DLGAP2: variants seen among roughly 807,000 people sequenced by gnomAD.
DLGAP2 encodes the protein DLG associated protein 2.
DLGAP2 carries 26 observed loss-of-function variants against 100.3 expected under a neutral mutation model. That is an observed-to-expected ratio of 0.26 (90% CI 0.19 to 0.36). The LOEUF is 0.36. Ranked by LOEUF, DLGAP2 falls within the 10% of genes least tolerant of loss-of-function variation. The probability of loss-of-function intolerance (pLI) is 1.00; values close to 1 mark genes in which losing one functional copy is unlikely to be tolerated. For missense variants in DLGAP2, 1,858 were observed against 1,453.2 expected (o/e 1.28, Z -4.53); for synonymous variants, 886 against 630.1 (o/e 1.41, Z -6.08).
At chr8:1,103,070 G>C (rs1212708029) in intron 2 of DLGAP2, among the ~76,000 whole-genome samples, 1 of 151,912 alleles carries the variant, frequency 6.6e-6, no homozygotes, top group South Asian at 2.1e-4. Context: ...GTTTTCCGGG[G>C]TCTTCGTAAC....
intron 2 of DLGAP2, among the ~76,000 whole-genome samples, chr8:982,105 C>T (rs1794187003): frequency 6.6e-6 from 1 of 152,240 alleles, no homozygotes; most frequent in African/African-American, 2.4e-5. Flanking sequence ...TGCTCTTCAG[C>T]CTCCCAAGGG....
intron 1 of DLGAP2, among the ~76,000 whole-genome samples, chr8:748,845 G>A (rs76361046): frequency 0.02 from 3,085 of 152,314 alleles, 110 homozygotes; most frequent in African/African-American, 0.071. Context: ...GTTGTGCGGC[G>A]CGGAGACCTT....
chr8:1,094,744 C>G (rs1281499129), intron 2 of DLGAP2, among the ~76,000 whole-genome samples: 1 of 152,242 alleles, frequency 6.6e-6, no homozygotes, highest in East Asian at 1.9e-4. Context: ...CCCTCTTTCT[C>G]TGGACCCAGC....
intron 3 of DLGAP2, among the ~76,000 whole-genome samples, chr8:1,472,603 A>C (rs1584937029): frequency 6.6e-6 from 1 of 152,218 alleles, no homozygotes; most frequent in African/African-American, 2.4e-5. Flanking sequence ...GGAATAATAC[A>C]TGATGTAAAC....
At chr8:1,266,555 A>G (rs1799454983) in intron 3 of DLGAP2, among the ~76,000 whole-genome samples, 1 of 152,186 alleles carries the variant, frequency 6.6e-6, no homozygotes, top group Non-Finnish European at 1.5e-5. Context: ...CCTCTGTTGG[A>G]TAAATTCCAC....
At chr8:1,064,533 G>C (rs151095673) in intron 2 of DLGAP2, among the ~76,000 whole-genome samples, 76 of 152,302 alleles carry the variant, frequency 5.0e-4, no homozygotes, top group African/African-American at 1.7e-3. Flanking sequence ...AACTGGCATT[G>C]ATAACCTCAA....
intron 1 of DLGAP2, among the ~76,000 whole-genome samples, chr8:855,137 G>T (rs191364484): frequency 2.0e-5 from 3 of 152,196 alleles, no homozygotes; most frequent in Non-Finnish European, 2.9e-5. Context: ...CAGCGTCTTC[G>T]TGTGGGTGGC....
At chr8:987,548 C>G (rs1800523936) in intron 2 of DLGAP2, among the ~76,000 whole-genome samples, 2 of 152,164 alleles carry the variant, frequency 1.3e-5, no homozygotes. Flanking sequence ...TGTTGTTGAA[C>G]TACTGGTTTT....
chr8:1,223,872 C>G (rs1046606414), intron 2 of DLGAP2, among the ~76,000 whole-genome samples: 2 of 152,202 alleles, frequency 1.3e-5, no homozygotes, highest in African/African-American at 4.8e-5. Context: ...TCTATATGTT[C>G]TGTTCTCTAG....
intron 2 of DLGAP2, among the ~76,000 whole-genome samples, chr8:956,846 A>G (rs79983112): frequency 0.024 from 3,584 of 152,260 alleles, 73 homozygotes; most frequent in Non-Finnish European, 0.034. Flanking sequence ...TGGGAACAGG[A>G]TTATTGTGGT....
At chr8:1,511,950 C>T (rs1427550540) in intron 4 of DLGAP2, among the ~76,000 whole-genome samples, 1 of 152,246 alleles carries the variant, frequency 6.6e-6, no homozygotes. Context: ...GTTTTATGTG[C>T]ACTTTCTACC....
At chr8:1,468,915 CCT>C (rs1798705116) in intron 3 of DLGAP2, among the ~76,000 whole-genome samples, 1 of 152,074 alleles carries the variant, frequency 6.6e-6, no homozygotes, top group Non-Finnish European at 1.5e-5. Context: ...CTCACTCCAG[CCT>C]CTCTCTCTCC....
intron 2 of DLGAP2, among the ~76,000 whole-genome samples, chr8:1,256,525 G>T (rs961374684): frequency 0.011 from 1,474 of 128,552 alleles, 22 homozygotes; most frequent in African/African-American, 0.035. Flanking sequence ...GTGTGTGCCC[G>T]TCTCATCCTG....
At position 1,440,874 on chromosome 8, in the gene DLGAP2, A is replaced by T. The variant is rs148059408; in HGVS notation, c.107-60492A>T. 2.0e-5 allele frequency among the ~76,000 whole-genome samples: 3 copies of T among 152,340 alleles called. No individual in the cohort carries two copies. The East Asian group carries it at 5.8e-4, about 29-fold the overall frequency. On this transcript the variant is annotated intron_variant, in intron 3 of 14. Coordinates refer to ENST00000637795, the MANE Select transcript of DLGAP2 (RefSeq NM_001346810.2). The stretch of plus-strand genomic sequence containing the variant: ...GGAGTGCCCAGGGCTGTTTTAGGAC[A>T]TCCTAAACTGCTACTTTCATGCCAA...
chr8:1,286,414 G>A (rs769081632), intron 3 of DLGAP2, among the ~76,000 whole-genome samples: 13 of 152,218 alleles, frequency 8.5e-5, no homozygotes, highest in Non-Finnish European at 1.5e-4. Context: ...AATGCAAAGA[G>A]AATGAAGGAA....
chr8:1,708,116 T>C lies in DLGAP2; in HGVS notation c.*6710T>C, dbSNP rs184946176. On this transcript the variant is annotated 3_prime_UTR_variant, in exon 15 of 15. Transcript: ENST00000637795. ...TCACTCTCAGCTGACTGTAAGAAACTGTGCACCGTTTCCGCCATAACCGTC... is the reference window on the plus strand; with the variant it reads ...TCACTCTCAGCTGACTGTAAGAAACCGTGCACCGTTTCCGCCATAACCGTC... 1.3e-4 allele frequency: 20 copies of C among 152,374 alleles called. No individual in the cohort carries two copies. The highest frequency in any genetic ancestry group is 4.3e-4 in the African/African-American group (18 of 41,586). The allele number at this position is 152,374 out of a possible 1,614,324, so 9.4% of individuals were successfully genotyped here. A position where few individuals can be genotyped will look rare whatever the true frequency, so the allele number is the denominator to read the frequency against.
chr8:1,558,525 C>A (rs1373792977), intron 5 of DLGAP2, among the ~76,000 whole-genome samples: 2 of 152,056 alleles, frequency 1.3e-5, no homozygotes, highest in Non-Finnish European at 2.9e-5. Context: ...GCATGCACAC[C>A]CATATACCTG....
At chr8:1,179,596 C>T (rs370514668) in intron 2 of DLGAP2, among the ~76,000 whole-genome samples, 12 of 152,234 alleles carry the variant, frequency 7.9e-5, no homozygotes, top group African/African-American at 2.7e-4. Flanking sequence ...ATTAAATTAA[C>T]TCTCCAAGTT....
chr8:962,331 T>G (rs770092657), intron 2 of DLGAP2, among the ~76,000 whole-genome samples: 2 of 152,068 alleles, frequency 1.3e-5, no homozygotes, highest in Non-Finnish European at 2.9e-5. Context: ...TGAATACAAT[T>G]AAATTACCCT....
Sources: gnomAD v4.1 joint callset for allele counts (sites outside exome capture counted in the v4.1 genomes callset) on GRCh38, gnomAD v4.1.1 for gene constraint, MANE v1.5 for transcripts, NCBI Gene and HGNC (gene_info 2026-07-23, HGNC 2026-07-21) for gene names.